SGCZ: variants seen among roughly 807,000 people sequenced by gnomAD.
SGCZ encodes the protein sarcoglycan zeta.
SGCZ carries 40 observed loss-of-function variants against 41.3 expected under a neutral mutation model. The observed-to-expected ratio is 0.97, with a 90% CI of 0.75 to 1.26. SGCZ has a LOEUF of 1.26. SGCZ is among the 50% of genes most tolerant of loss of function. The pLI, the probability that SGCZ is intolerant of heterozygous loss-of-function variation, is 0.00. For missense variants in SGCZ, 552 were observed against 369.8 expected, an observed-to-expected ratio of 1.49 and a Z score of -4.04; for synonymous variants, 206 against 137.5, an observed-to-expected ratio of 1.50 and a Z score of -3.49.
At chr8:14,279,224 TTTTC>T (rs775795936) in intron 3 of SGCZ, among the ~76,000 whole-genome samples, 3 of 152,110 alleles carry the variant, frequency 2.0e-5, no homozygotes, top group East Asian at 1.9e-4. Flanking sequence ...TTACTTTTGG[TTTTC>T]TTTGAGAATT....
intron 1 of SGCZ, among the ~76,000 whole-genome samples, chr8:15,143,070 A>C (rs567337125): frequency 6.6e-6 from 1 of 152,358 alleles, no homozygotes; most frequent in East Asian, 1.9e-4. Context: ...GCAGTTGCTA[A>C]GGAACCAAAT....
chr8:14,737,992 T>C (rs1210791039), intron 1 of SGCZ, among the ~76,000 whole-genome samples: 1 of 152,076 alleles, frequency 6.6e-6, no homozygotes, highest in African/African-American at 2.4e-5. Flanking sequence ...GTAAGCAAGA[T>C]AATAAATAAT....
At chr8:14,208,506 C>T (rs1381248078) in intron 4 of SGCZ, among the ~76,000 whole-genome samples, 1 of 152,064 alleles carries the variant, frequency 6.6e-6, no homozygotes, top group African/African-American at 2.4e-5. Context: ...TTTTGTCAAC[C>T]ACATTAACAA....
chr8:15,082,410 A>G (rs1300130977), intron 1 of SGCZ, among the ~76,000 whole-genome samples: 1 of 143,788 alleles, frequency 7.0e-6, no homozygotes, highest in Non-Finnish European at 1.5e-5. Context: ...ACATATACAC[A>G]CACACATATA....
intron 1 of SGCZ, among the ~76,000 whole-genome samples, chr8:14,997,945 G>A (rs1227543910): frequency 6.6e-6 from 1 of 151,982 alleles, no homozygotes; most frequent in Non-Finnish European, 1.5e-5. Flanking sequence ...GGGCGAAAGA[G>A]TGAGACTCTG....
At chr8:14,901,948 A>T (rs1798985084) in intron 1 of SGCZ, among the ~76,000 whole-genome samples, 1 of 152,162 alleles carries the variant, frequency 6.6e-6, no homozygotes, top group African/African-American at 2.4e-5. Context: ...AAATGCTGAC[A>T]GTCAGCCTTA....
intron 1 of SGCZ, among the ~76,000 whole-genome samples, chr8:14,794,733 G>C (rs902214724): frequency 2.0e-5 from 3 of 152,150 alleles, no homozygotes; most frequent in Non-Finnish European, 2.9e-5. Context: ...AAAAGACATA[G>C]CATTGGGAAT....
chr8:14,612,930 C>T (rs554027536), intron 1 of SGCZ, among the ~76,000 whole-genome samples: 5 of 152,218 alleles, frequency 3.3e-5, no homozygotes, highest in African/African-American at 9.6e-5. Flanking sequence ...AGGCTATCCA[C>T]TTGCCTCGGC....
At chr8:14,714,935 A>G (rs1413040553) in intron 1 of SGCZ, among the ~76,000 whole-genome samples, 2 of 152,318 alleles carry the variant, frequency 1.3e-5, no homozygotes, top group East Asian at 3.9e-4. Flanking sequence ...GAGAAGTGAC[A>G]GACAGATAAG....
At chr8:14,418,350 G>A (rs948622705) in intron 2 of SGCZ, among the ~76,000 whole-genome samples, 1 of 151,880 alleles carries the variant, frequency 6.6e-6, no homozygotes, top group Non-Finnish European at 1.5e-5. Flanking sequence ...TAAAGCATTA[G>A]TTTTAAGAAT....
chr8:14,289,065 G>A (rs146067489), intron 3 of SGCZ, among the ~76,000 whole-genome samples: 68 of 152,034 alleles, frequency 4.5e-4, no homozygotes, highest in African/African-American at 1.4e-3. Context: ...ATATCTATTC[G>A]TATATCTTCT....
intron 1 of SGCZ, among the ~76,000 whole-genome samples, chr8:15,157,810 G>C (rs535332784): frequency 1.3e-5 from 2 of 152,282 alleles, no homozygotes; most frequent in East Asian, 3.9e-4. Context: ...AGTGGAATAT[G>C]GCATTCAATC....
intron 1 of SGCZ, among the ~76,000 whole-genome samples, chr8:14,842,927 C>G (rs894425785): frequency 1.3e-5 from 2 of 152,142 alleles, no homozygotes; most frequent in Non-Finnish European, 2.9e-5. Context: ...TTATTAGAAC[C>G]CTTGCCTGGG....
At chr8:14,902,542 C>A (rs1799001509) in intron 1 of SGCZ, among the ~76,000 whole-genome samples, 1 of 152,064 alleles carries the variant, frequency 6.6e-6, no homozygotes, top group African/African-American at 2.4e-5. Flanking sequence ...CAAAATTCAA[C>A]TAAAATGGCA....
At position 14,318,267 on chromosome 8, in the gene SGCZ, T is replaced by C. The variant is rs578159944; in HGVS notation, c.336+5836A>G. ...GGAGAAGGGCAAGAAAAGGAAGAGA[T>C]AGAGGAAGAAAGGATCCTACCTAAT... On this transcript the variant is annotated intron_variant, in intron 3 of 7. Coordinates refer to ENST00000382080, the MANE Select transcript of SGCZ (RefSeq NM_139167.4). Among the ~76,000 whole-genome samples the C allele has an allele frequency of 1.3e-3, 196 of 151,598 alleles. 1 individual carries two copies. The highest frequency in any genetic ancestry group is 4.6e-3 in the African/African-American group (192 of 41,412).
intron 1 of SGCZ, among the ~76,000 whole-genome samples, chr8:15,002,655 GC>G (rs952179454): frequency 9.2e-5 from 14 of 152,150 alleles, no homozygotes; most frequent in Non-Finnish European, 1.6e-4. Flanking sequence ...ACCTTCTCAA[GC>G]TTTTTGGGGG....
At chr8:14,895,916 G>C (rs749963464) in intron 1 of SGCZ, among the ~76,000 whole-genome samples, 14 of 152,134 alleles carry the variant, frequency 9.2e-5, no homozygotes, top group Non-Finnish European at 1.9e-4. Flanking sequence ...TATTTATAAT[G>C]TGTATATAGG....
chr8:14,820,130 C>A (rs145362696), intron 1 of SGCZ, among the ~76,000 whole-genome samples: 1 of 151,904 alleles, frequency 6.6e-6, no homozygotes. Flanking sequence ...ACATAGCATG[C>A]AAGAGACTCA....
At chr8:14,769,793 T>TAAAAAAAAAAAAAAAAAAAAAAAAAAAAA (rs565416806) in intron 1 of SGCZ, among the ~76,000 whole-genome samples, 2 of 52,202 alleles carry the variant, frequency 3.8e-5, no homozygotes, top group African/African-American at 1.2e-4. Context: ...AAAACACCAT[T>TAAAAAAAAAAAAAAAAAAAAAAAAAAAAA]AAAAAAAAAA....
Sources: gnomAD v4.1 joint callset for allele counts (sites outside exome capture counted in the v4.1 genomes callset) on GRCh38, gnomAD v4.1.1 for gene constraint, MANE v1.5 for transcripts, NCBI Gene and HGNC (gene_info 2026-07-23, HGNC 2026-07-21) for gene names.